The following SLC9C1 variants were observed in gnomAD, a reference collection of about 807,000 sequenced individuals.
SLC9C1 encodes sodium/hydrogen exchanger 10.
In SLC9C1, 97 loss-of-function variants were observed where a neutral mutation model predicts 140.9. The observed-to-expected ratio is 0.69, with a 90% CI of 0.58 to 0.82. The LOEUF (loss-of-function observed/expected upper bound fraction) is 0.82. SLC9C1 is among the 40% of genes least tolerant of loss of function. SLC9C1 has a pLI of 0.00. For missense variants in SLC9C1, 1,340 were observed against 1,389.3 expected (o/e 0.96, Z 0.56); for synonymous variants, 440 against 442.6 (o/e 0.99, Z 0.07).
intron 26 of SLC9C1, among the ~76,000 whole-genome samples, chr3:112,160,991 G>T (rs2075280283): frequency 6.6e-6 from 1 of 152,232 alleles, no homozygotes; most frequent in Non-Finnish European, 1.5e-5. Context: ...ATCTCATTGT[G>T]GTTTTGATTT....
chr3:112,167,603 A>G (rs758303210), intron 25 of SLC9C1, among the ~76,000 whole-genome samples: 3 of 152,152 alleles, frequency 2.0e-5, no homozygotes, highest in Admixed American at 1.3e-4. Context: ...TGAATTACCA[A>G]TGGCCCTTTA....
In SLC9C1 at chr3:112,180,591, G is replaced by A; in HGVS notation, c.2721C>T (p.Ile907=). Residue 907 remains isoleucine, a synonymous_variant, in exon 22 of 29, where the codon ATC becomes ATT. Transcript: ENST00000305815. The stretch of plus-strand genomic sequence containing the variant: ...TTACCATGCCTGAAATAATGATATA[G>A]ATTCCTTTGGGCTCATCACCTTCTT... ...IFEEGDEPKG[I]YIIISGMVKL... 1 of 1,611,300 alleles carries A rather than the reference G, an allele frequency of 6.2e-7. No homozygotes were observed. Among genetic ancestry groups the A allele is most frequent in the African/African-American group, 1.3e-5 (1 of 74,816 alleles).
intron 11 of SLC9C1, among the ~76,000 whole-genome samples, 161 bp downstream of exon 11, chr3:112,243,834 G>T (rs1293850158): frequency 6.6e-6 from 1 of 152,024 alleles, no homozygotes; most frequent in African/African-American, 2.4e-5. Flanking sequence ...AGGACAACAG[G>T]TGTGCACTGC....
intron 13 of SLC9C1, among the ~76,000 whole-genome samples, chr3:112,230,728 A>C (rs1212089870): frequency 6.6e-6 from 1 of 152,168 alleles, no homozygotes; most frequent in Non-Finnish European, 1.5e-5. Context: ...AGGAAGGGCC[A>C]ATATGAACAC....
At chr3:112,277,314 G>A (rs528223722) in intron 5 of SLC9C1, among the ~76,000 whole-genome samples, 13 of 152,166 alleles carry the variant, frequency 8.5e-5, no homozygotes, top group Admixed American at 2.6e-4. Flanking sequence ...TTAAAATGGC[G>A]TTGTCCTAAT....
In SLC9C1 at chr3:112,271,409, A is replaced by ATATACATATATATATATATATC. The variant is rs1013241776; in HGVS notation, c.614-1333_614-1332insGATATATATATATATATGTATA. Among the ~76,000 whole-genome samples the ATATACATATATATATATATATC allele has an allele frequency of 2.0e-5, 3 of 149,302 alleles. No homozygotes were observed. In the Admixed American group the frequency reaches 2.0e-4, roughly 10 times the overall value. On this transcript the variant is annotated intron_variant, in intron 6 of 28. Transcript: ENST00000305815. ...TTCTACATTGTATATATATATATATATCAAAGCCTCACATTGTACCCCATA... is the reference window on the plus strand; with the variant it reads ...TTCTACATTGTATATATATATATATATATACATATATATATATATATCTCAAAGCCTCACATTGTACCCCATA...
At chr3:112,162,052 C>G (rs921986499) in intron 26 of SLC9C1, among the ~76,000 whole-genome samples, 16 of 152,120 alleles carry the variant, frequency 1.1e-4, no homozygotes, top group Middle Eastern at 3.2e-3. Flanking sequence ...GCAGTTCACT[C>G]ATGATTTGGC....
chr3:112,273,973 G>A (rs2080145698), intron 6 of SLC9C1, among the ~76,000 whole-genome samples: 1 of 152,150 alleles, frequency 6.6e-6, no homozygotes, highest in African/African-American at 2.4e-5. Context: ...GCATAGAATA[G>A]TAGGTCGTCA....
At chr3:112,151,572 C>G (rs988511795) in intron 28 of SLC9C1, 5 of 525,812 alleles carry the variant, frequency 9.5e-6, no homozygotes, top group Non-Finnish European at 1.9e-5. Context: ...GAAAAATAAC[C>G]TGCTAAATTG....
At chr3:112,263,185 T>C in intron 9 of SLC9C1, 87 bp from the exon 10 acceptor site, 2 of 1,128,510 alleles carry the variant, frequency 1.8e-6, no homozygotes, top group Admixed American at 3.0e-5. Flanking sequence ...CTACTCCCTG[T>C]AGAATTCCTA....
At chr3:112,283,211 G>A (rs1341202442) in intron 2 of SLC9C1, among the ~76,000 whole-genome samples, 1 of 152,042 alleles carries the variant, frequency 6.6e-6, no homozygotes, top group Non-Finnish European at 1.5e-5. Flanking sequence ...GACTGGGCAT[G>A]GAGGCTCATG....
At chr3:112,284,985 CTTTTTT>C (rs61428176) in intron 2 of SLC9C1, among the ~76,000 whole-genome samples, 1 of 103,864 alleles carries the variant, frequency 9.6e-6, no homozygotes, top group African/African-American at 3.7e-5. Context: ...TACAATTTTT[CTTTTTT>C]TTTTTTTTTT....
chr3:112,200,379 GTCAC>G (rs2077876316), intron 19 of SLC9C1, among the ~76,000 whole-genome samples: 1 of 152,050 alleles, frequency 6.6e-6, no homozygotes, highest in African/African-American at 2.4e-5. Flanking sequence ...CTTTTCTTGT[GTCAC>G]TCAGGAAGGT....
intron 6 of SLC9C1, 46 bp from the exon 7 acceptor site, chr3:112,270,123 G>T: frequency 1.4e-6 from 2 of 1,408,360 alleles, no homozygotes; most frequent in Non-Finnish European, 1.9e-6. Flanking sequence ...AGAACTTGCC[G>T]TTAATTTTAA....
At chr3:112,216,748 CT>C (rs2078384047) in intron 15 of SLC9C1, among the ~76,000 whole-genome samples, 1 of 152,220 alleles carries the variant, frequency 6.6e-6, no homozygotes, top group African/African-American at 2.4e-5. Flanking sequence ...CACATTTACA[CT>C]GTTTGTGGGG....
At chr3:112,263,222 A>C in intron 9 of SLC9C1, 124 bp from the exon 10 acceptor site, 1 of 765,308 alleles carries the variant, frequency 1.3e-6, no homozygotes, top group Non-Finnish European at 2.0e-6. Flanking sequence ...GACATCTTTC[A>C]CACACTGTTG....
At position 112,231,471 on chromosome 3, in the gene SLC9C1, T is replaced by C; in HGVS notation, c.1462A>G (p.Thr488Ala). The C allele has an allele frequency of 6.2e-7, 1 of 1,611,168 alleles. No homozygotes were observed. Residue 488 changes from threonine to alanine, a missense_variant, in exon 13 of 29, where the codon ACA becomes GCA. By Grantham distance (58) the Thr-to-Ala change is moderately conservative (BLOSUM62 0). Coordinates refer to ENST00000305815, the MANE Select transcript of SLC9C1 (RefSeq NM_183061.3). ...CATTTCACCTTCTGATGTTCTGTTG[T>C]TTCTTCTTCGTTCAACTAAATAAAA... ...ENPYMLNEEE[T>A]TEHQKVKCPH...
intron 10 of SLC9C1, among the ~76,000 whole-genome samples, chr3:112,252,900 G>A (rs1457636487): frequency 6.6e-6 from 1 of 152,068 alleles, no homozygotes; most frequent in East Asian, 1.9e-4. Flanking sequence ...TGTTCAGGCT[G>A]GCAAAATGTC....
intron 10 of SLC9C1, among the ~76,000 whole-genome samples, chr3:112,252,650 C>A (rs1045735986): frequency 6.6e-6 from 1 of 152,170 alleles, no homozygotes; most frequent in Non-Finnish European, 1.5e-5. Flanking sequence ...TCAGAACTCT[C>A]TGGGACAGAG....
Sources: gnomAD v4.1 joint callset for allele counts (sites outside exome capture counted in the v4.1 genomes callset) on GRCh38, gnomAD v4.1.1 for gene constraint, MANE v1.5 for transcripts, NCBI Gene and HGNC (gene_info 2026-07-23, HGNC 2026-07-21) for gene names.